Variants in LPCAT1 observed in about 807,000 individuals in gnomAD.
LPCAT1 encodes the protein lysophosphatidylcholine acyltransferase 1.
In LPCAT1, 23 loss-of-function variants were observed where a neutral mutation model predicts 60.9. The observed-to-expected ratio is 0.38, with a 90% CI of 0.27 to 0.53. The LOEUF (loss-of-function observed/expected upper bound fraction) is 0.53, where lower values mean the gene tolerates loss of function less well. Ranked by LOEUF, LPCAT1 falls within the 20% of genes least tolerant of loss-of-function variation. LPCAT1 has a pLI of 0.82. For synonymous variants in LPCAT1, 340 were observed against 301.1 expected (o/e 1.13, Z -1.34); for missense variants, 622 against 723.6 (o/e 0.86, Z 1.61).
chr5:1,473,495 C>G (rs531219102), intron 11 of LPCAT1, among the ~76,000 whole-genome samples: 1 of 152,350 alleles, frequency 6.6e-6, no homozygotes, highest in African/African-American at 2.4e-5. Flanking sequence ...GGATGACGTG[C>G]GGAGGGCAGA....
intron 12 of LPCAT1, 74 bp from the exon 13 acceptor site, chr5:1,466,964 A>G: frequency 1.5e-6 from 2 of 1,378,218 alleles, no homozygotes; most frequent in Non-Finnish European, 1.9e-6. Flanking sequence ...GGGACACCCC[A>G]GCGGCCCTGC....
chr5:1,520,961 G>A (rs1402357807), intron 1 of LPCAT1, among the ~76,000 whole-genome samples: 1 of 151,364 alleles, frequency 6.6e-6, no homozygotes, highest in East Asian at 1.9e-4. Context: ...CAGATTCCAA[G>A]GAAAGTACCG....
In LPCAT1 at chr5:1,466,777, G is replaced by C; in HGVS notation, c.1392C>G (p.Asp464Glu). The change falls in exon 13 of 14, where the codon GAC becomes GAG. Residue 464 changes from aspartate (D) to glutamate (E), a missense_variant. Asp to Glu is a conservative substitution (Grantham distance 45, BLOSUM62 2). Around this residue, in one of 3 missense-constraint regions of LPCAT1, gnomAD observed 288 missense variants for 283.6 expected, o/e 1.02. Coordinates refer to ENST00000283415, the MANE Select transcript of LPCAT1 (RefSeq NM_024830.5). ...ATGTGATCTTCCCCTTCTCCTCTTG[G>C]TCAATGGCTCGGAATAGGTCGGTCA... ...LTVTDLFRAI[D>E]QEEKGKITFA... 6.2e-7 allele frequency: 1 copy of C among 1,612,218 alleles called. No homozygotes were observed.
At chr5:1,486,772 G>A (rs886339025) in intron 5 of LPCAT1, among the ~76,000 whole-genome samples, 30 of 152,294 alleles carry the variant, frequency 2.0e-4, no homozygotes, top group African/African-American at 6.7e-4. Context: ...TTCCGAACAC[G>A]TGACTCGAGG....
chr5:1,518,531 G>A (rs999896546), intron 1 of LPCAT1, among the ~76,000 whole-genome samples: 2 of 152,300 alleles, frequency 1.3e-5, no homozygotes, highest in African/African-American at 4.8e-5. Flanking sequence ...TAGTAGAGAC[G>A]GGGTTTCACC....
chr5:1,465,987 C>T (rs748067038), intron 13 of LPCAT1, among the ~76,000 whole-genome samples: 8 of 152,262 alleles, frequency 5.3e-5, no homozygotes, highest in Non-Finnish European at 8.8e-5. Flanking sequence ...GCCTCCGGCT[C>T]CCGCACAGAC....
intron 1 of LPCAT1, among the ~76,000 whole-genome samples, chr5:1,514,428 T>C (rs1736444123): frequency 6.6e-6 from 1 of 152,216 alleles, no homozygotes; most frequent in South Asian, 2.1e-4. Flanking sequence ...GTTTCTTCAG[T>C]ACTGTTCCTT....
chr5:1,472,532 C>T (rs770440866), intron 11 of LPCAT1, among the ~76,000 whole-genome samples: 19 of 152,056 alleles, frequency 1.2e-4, no homozygotes, highest in Non-Finnish European at 2.5e-4. Context: ...ATGGAGAATA[C>T]TCCTATCTCA....
intron 13 of LPCAT1, among the ~76,000 whole-genome samples, chr5:1,466,475 C>A (rs1324424440): frequency 6.6e-6 from 1 of 152,206 alleles, no homozygotes; most frequent in South Asian, 2.1e-4. Context: ...TGAATCCCAG[C>A]CTGAGGCCAT....
rs182403279 is a variant in LPCAT1 at position 1,468,700 on chromosome 5, A to T, written c.1279-1810T>A. ...AGTAATGATAACGAAAAAGAACAAA[A>T]ACAAGGGGCCCCAAGGCGTATGAAG... On this transcript the variant is annotated intron_variant, in intron 12 of 13. Coordinates refer to ENST00000283415, the MANE Select transcript of LPCAT1 (RefSeq NM_024830.5). 2.0e-5 allele frequency among the ~76,000 whole-genome samples: 3 copies of T among 152,310 alleles called. No homozygotes were observed. In the East Asian group the frequency reaches 5.8e-4, roughly 29 times the overall value.
At chr5:1,472,586 T>C (rs458321) in intron 11 of LPCAT1, among the ~76,000 whole-genome samples, 119,906 of 152,010 alleles carry the variant, frequency 0.79, 47,843 homozygotes, top group African/African-American at 0.91. Context: ...AAAAATTAAC[T>C]GCACAGTGTC....
intron 3 of LPCAT1, 143 bp from the exon 4 acceptor site, chr5:1,490,001 A>G: frequency 1.5e-6 from 1 of 677,248 alleles, no homozygotes; most frequent in Non-Finnish European, 2.7e-6. Context: ...GTGGGCTGTG[A>G]GTCCCTGACT....
Position 1,462,692 on chromosome 5 carries a change from G to C in LPCAT1, c.*959C>G, listed in dbSNP as rs1286133522. 1 of 152,288 alleles carries C rather than the reference G, an allele frequency of 6.6e-6. No homozygotes were observed. The highest frequency in any genetic ancestry group is 1.9e-4 in the East Asian group (1 of 5,204). The allele number at this position is 152,288 out of a possible 1,614,324, so 9.4% of individuals were successfully genotyped here. On this transcript the variant is annotated 3_prime_UTR_variant, in exon 14 of 14. Coordinates refer to ENST00000283415, the MANE Select transcript of LPCAT1 (RefSeq NM_024830.5). ...CAGCAGGGACCTGGCCTGAGGGCAA[G>C]GGAGGAGCGGCACGGCGGCGGCTGC...
At chr5:1,468,041 T>C (rs937501130) in intron 12 of LPCAT1, among the ~76,000 whole-genome samples, 3 of 151,988 alleles carry the variant, frequency 2.0e-5, no homozygotes, top group Admixed American at 2.0e-4. Flanking sequence ...AGGGAGGGGC[T>C]GCGCCTTCAC....
At position 1,477,507 on chromosome 5, in the gene LPCAT1, C is replaced by T. The variant is rs367789860; in HGVS notation, c.817-21G>A. On this transcript the variant is annotated intron_variant, in intron 8 of 13. Coordinates refer to ENST00000283415, the MANE Select transcript of LPCAT1 (RefSeq NM_024830.5). This position sits in a 1 kb window ranked among gnomAD's most constrained non-coding sequence, Gnocchi z 6.0. ...AGGAACTGAGCACACAGAGAAGCTGCGTTAGTATCACAAGACGCTGACCTC... is the reference window on the plus strand; with the variant it reads ...AGGAACTGAGCACACAGAGAAGCTGTGTTAGTATCACAAGACGCTGACCTC... The T allele has an allele frequency of 6.2e-5, 98 of 1,583,652 alleles. No homozygotes were observed. Among genetic ancestry groups the T allele is most frequent in the African/African-American group, 1.1e-4 (8 of 74,098 alleles).
In LPCAT1 at chr5:1,464,762, C is replaced by G. The variant is rs535699969; in HGVS notation, c.1421-927G>C. On this transcript the variant is annotated intron_variant, in intron 13 of 13. Coordinates refer to ENST00000283415, the MANE Select transcript of LPCAT1 (RefSeq NM_024830.5). ...CAGACACACACACACAAAACAAGCA[C>G]ACACACGGTAACCAAACACACGTGC... 3.0e-3 allele frequency among the ~76,000 whole-genome samples: 413 copies of G among 136,286 alleles called. 1 individual carries two copies. Among genetic ancestry groups the G allele is most frequent in the African/African-American group, 0.011 (392 of 35,584 alleles). The allele number at this position is 136,286 out of a possible 152,430, so 89.4% of individuals were successfully genotyped here.
intron 1 of LPCAT1, among the ~76,000 whole-genome samples, chr5:1,505,743 C>T (rs576120167): frequency 2.0e-5 from 3 of 152,378 alleles, no homozygotes; most frequent in Non-Finnish European, 4.4e-5. Context: ...CCTACTCCTT[C>T]GTGCATGGGT....
rs1196947630 is a variant in LPCAT1, at chr5:1,521,066, G to A, written c.135+2644C>T. ...CCTCAGCTGAACTCACTAAGATCCTGTACCATACCATTTACCGCTCTCTAC... is the reference window on the plus strand; with the variant it reads ...CCTCAGCTGAACTCACTAAGATCCTATACCATACCATTTACCGCTCTCTAC... On this transcript the variant is annotated intron_variant, in intron 1 of 13. Transcript: ENST00000283415. This position sits in a 1 kb window ranked among gnomAD's most constrained non-coding sequence, Gnocchi z 4.3. 6.6e-6 allele frequency among the ~76,000 whole-genome samples: 1 copy of A among 152,096 alleles called. No individual in the cohort carries two copies. Among genetic ancestry groups the A allele is most frequent in the African/African-American group, 2.4e-5 (1 of 41,410 alleles).
At chr5:1,489,897 C>T (rs773523436) in intron 3 of LPCAT1, 39 bp from the exon 4 acceptor site, 31 of 1,439,722 alleles carry the variant, frequency 2.2e-5, no homozygotes, top group African/African-American at 2.8e-5. Flanking sequence ...GTGGAATGCA[C>T]GGCTCCCGCC....
Sources: gnomAD v4.1 joint callset for allele counts (sites outside exome capture counted in the v4.1 genomes callset) on GRCh38, gnomAD v4.1.1 for gene constraint, gnomAD v4.1.1 regional missense constraint, Gnocchi (gnomAD v3.1) non-coding constraint, MANE v1.5 for transcripts, NCBI Gene and HGNC (gene_info 2026-07-23, HGNC 2026-07-21) for gene names.